The following GYPE variants were observed in gnomAD, a reference collection of about 807,000 sequenced individuals.
The protein encoded by GYPE is glycophorin E (MNS blood group).
Under a neutral mutation model 11.6 loss-of-function variants are expected in GYPE, and 8 were observed. The observed-to-expected ratio is 0.69, with a 90% CI of 0.41 to 1.25. The LOEUF (loss-of-function observed/expected upper bound fraction) is 1.25, where lower values mean the gene tolerates loss of function less well. Among genes scored for constraint, GYPE ranks in the 50% most tolerant of loss-of-function variants. The pLI is 0.01. For missense variants in GYPE, 90 were observed against 92.8 expected, an observed-to-expected ratio of 0.97 and a Z score of 0.12; for synonymous variants, 28 against 29.6, an observed-to-expected ratio of 0.94 and a Z score of 0.18.
At chr4:143,873,521 G>A (rs1560935063) in intron 3 of GYPE, 2 of 451,662 alleles carry the variant, frequency 4.4e-6, no homozygotes, top group South Asian at 1.6e-5. Flanking sequence ...CAATCTATGA[G>A]TAACTTAAGT....
intron 1 of GYPE, among the ~76,000 whole-genome samples, chr4:143,901,144 T>C (rs1744850693): frequency 6.6e-6 from 1 of 152,230 alleles, no homozygotes; most frequent in South Asian, 2.1e-4. Context: ...AATACCAAAG[T>C]TGATCAAATA....
At chr4:143,903,532 A>G (rs1187832317) in intron 1 of GYPE, among the ~76,000 whole-genome samples, 3 of 149,836 alleles carry the variant, frequency 2.0e-5, no homozygotes, top group African/African-American at 7.4e-5. Flanking sequence ...AGCAAAAAAA[A>G]AAAAAAAAAA....
intron 3 of GYPE, chr4:143,875,651 T>G: frequency 7.5e-7 from 1 of 1,341,970 alleles, no homozygotes; most frequent in Non-Finnish European, 1.0e-6. Context: ...CTAGGGGTGT[T>G]GCCAAGTTCT....
rs60392709 is a variant in GYPE, at chr4:143,872,886, A to C, written c.*10-634T>G. On this transcript the variant is annotated intron_variant, in intron 3 of 3. Transcript: ENST00000358615. ...ACAGGAGAGAGTGGGAGAGGGTTGA[A>C]GGGGGCAGGCCAGGTGAGCTGAGCA... 2.4e-3 allele frequency among the ~76,000 whole-genome samples: 367 copies of C among 151,504 alleles called. 3 individuals are homozygous for C. Among genetic ancestry groups the C allele is most frequent in the East Asian group, 0.017 (85 of 5,138 alleles).
chr4:143,900,751 G>T lies in GYPE; in HGVS notation c.37+4720C>A, dbSNP rs1010899133. 4.9e-4 allele frequency among the ~76,000 whole-genome samples: 74 copies of T among 152,250 alleles called. 3 individuals are homozygous for T. The highest frequency in any genetic ancestry group is 1.8e-3 in the African/African-American group (73 of 41,536). On this transcript the variant is annotated intron_variant, in intron 1 of 3. Transcript: ENST00000358615. ...ATACACAAAAGGCTACCTATTATATGATTCCATTTATATGAAATATCTAAA... is the reference window on the plus strand; with the variant it reads ...ATACACAAAAGGCTACCTATTATATTATTCCATTTATATGAAATATCTAAA...
At chr4:143,897,493 T>C (rs1578977323) in intron 1 of GYPE, among the ~76,000 whole-genome samples, 6 of 152,050 alleles carry the variant, frequency 3.9e-5, no homozygotes, top group South Asian at 4.2e-4. Flanking sequence ...TTGTATAAAA[T>C]AGGAGAGAAT....
intron 1 of GYPE, among the ~76,000 whole-genome samples, chr4:143,889,802 A>C (rs4835365): frequency 0.93 from 141,048 of 152,086 alleles, 66,361 homozygotes; most frequent in East Asian, 1. Context: ...TTTTTAAAAC[A>C]ACTAGCTGAG....
chr4:143,897,440 G>C (rs1369537068), intron 1 of GYPE, among the ~76,000 whole-genome samples: 1 of 151,954 alleles, frequency 6.6e-6, no homozygotes, highest in African/African-American at 2.4e-5. Context: ...TTGCAGTCCA[G>C]CTTAGGCCAC....
chr4:143,895,989 T>C (rs1290302711), intron 1 of GYPE, among the ~76,000 whole-genome samples: 12 of 151,744 alleles, frequency 7.9e-5, no homozygotes, highest in Admixed American at 3.9e-4. Context: ...TTCCTTACAC[T>C]TTATACAAAA....
chr4:143,888,397 G>A (rs1744284867), intron 1 of GYPE, among the ~76,000 whole-genome samples: 1 of 39,228 alleles, frequency 2.5e-5, no homozygotes, highest in Non-Finnish European at 7.6e-5. Flanking sequence ...GCTGAAAGAA[G>A]CCTTATCTTG....
At chr4:143,875,848 C>G (rs1743783415) in intron 3 of GYPE, among the ~76,000 whole-genome samples, 1 of 151,974 alleles carries the variant, frequency 6.6e-6, no homozygotes, top group South Asian at 2.1e-4. Context: ...GTGGCCCGCA[C>G]CTGTAGTCCC....
intron 1 of GYPE, among the ~76,000 whole-genome samples, chr4:143,904,296 A>C (rs1235584252): frequency 1.3e-5 from 2 of 152,156 alleles, no homozygotes; most frequent in Non-Finnish European, 2.9e-5. Flanking sequence ...TAGTAAGCTT[A>C]ACATTTTACT....
Position 143,876,766 on chromosome 4 carries a change from A to T in GYPE, c.226T>A (p.Cys76Ser). The change falls in exon 3 of 4, where the codon TGT becomes AGT. Residue 76 changes from cysteine to serine, a missense_variant. Physicochemically the swap from Cys to Ser is moderately radical, Grantham distance 112. Coordinates refer to ENST00000358615, the MANE Select transcript of GYPE (RefSeq NM_198682.3). ...VVGMIILISYCIR is the reference protein window; with the variant it reads ...VVGMIILISYSIR The stretch of plus-strand genomic sequence containing the variant: ...CTCACCTTTATCAGTCATCGAATAC[A>T]GTAAGAAATTAAGATGATCATTCCA... 2 of 1,591,598 alleles carry T rather than the reference A, an allele frequency of 1.3e-6. No homozygotes were observed. The highest frequency in any genetic ancestry group is 2.2e-5 in the East Asian group (1 of 44,624).
rs1284915828 is a variant in GYPE, at chr4:143,870,951, G to A, written c.*1311C>T. On this transcript the variant is annotated 3_prime_UTR_variant, in exon 4 of 4. Transcript: ENST00000358615. ...GGATACTTACAATCATGACCAAAGG[G>A]GAAACAAACACATCTTTCTTACATA... 6.6e-6 allele frequency: 1 copy of A among 151,968 alleles called. No individual in the cohort carries two copies. The highest frequency in any genetic ancestry group is 1.5e-5 in the Non-Finnish European group (1 of 68,022). The allele number at this position is 151,968 out of a possible 1,614,324, so 9.4% of individuals were successfully genotyped here.
At chr4:143,879,577 C>G (rs1169804343) in intron 2 of GYPE, among the ~76,000 whole-genome samples, 1 of 152,144 alleles carries the variant, frequency 6.6e-6, no homozygotes, top group Non-Finnish European at 1.5e-5. Context: ...ACAACAATGA[C>G]TCCAGAGCAA....
In GYPE at chr4:143,879,235, C is replaced by G. The variant is rs139220974; in HGVS notation, c.136+1176G>C. 4.4e-3 allele frequency among the ~76,000 whole-genome samples: 676 copies of G among 152,300 alleles called. 8 individuals are homozygous for G. The highest frequency in any genetic ancestry group is 0.016 in the African/African-American group (652 of 41,560). Reference sequence around the variant, plus strand: ...TTACTGTTCCACCTGTGCTAACCTTCCCTCTCAGTCCACATCTTACTTATG... The same window carrying G: ...TTACTGTTCCACCTGTGCTAACCTTGCCTCTCAGTCCACATCTTACTTATG... On this transcript the variant is annotated intron_variant, in intron 2 of 3. Coordinates refer to ENST00000358615, the MANE Select transcript of GYPE (RefSeq NM_198682.3).
intron 1 of GYPE, among the ~76,000 whole-genome samples, chr4:143,886,244 C>T (rs1407574748): frequency 2.0e-4 from 27 of 132,218 alleles, no homozygotes; most frequent in African/African-American, 6.8e-4. Context: ...CGTAGTTATT[C>T]CAGAGTAGAA....
intron 3 of GYPE, among the ~76,000 whole-genome samples, chr4:143,875,974 T>TAAA (rs879577229): frequency 7.3e-6 from 1 of 137,144 alleles, no homozygotes; most frequent in African/African-American, 2.7e-5. Flanking sequence ...AAACTCTGTC[T>TAAA]AAAAAAAAAA....
At chr4:143,891,985 A>C (rs1302234253) in intron 1 of GYPE, among the ~76,000 whole-genome samples, 2 of 152,180 alleles carry the variant, frequency 1.3e-5, no homozygotes, top group Non-Finnish European at 2.9e-5. Flanking sequence ...CCACAATTTC[A>C]GAGCCTGTTA....
Sources: gnomAD v4.1 joint callset for allele counts (sites outside exome capture counted in the v4.1 genomes callset) on GRCh38, gnomAD v4.1.1 for gene constraint, MANE v1.5 for transcripts, NCBI Gene and HGNC (gene_info 2026-07-23, HGNC 2026-07-21) for gene names.